The following CLSTN2 variants were observed in gnomAD, a reference collection of about 807,000 sequenced individuals.
CLSTN2 encodes calsyntenin 2, also known as calsyntenin-2.
A neutral mutation model predicts 101.2 loss-of-function variants in CLSTN2; 48 were observed. The ratio of observed to expected loss-of-function variants is 0.47; its 90% CI spans 0.38 to 0.60. The LOEUF (loss-of-function observed/expected upper bound fraction) is 0.60, where lower values mean the gene tolerates loss of function less well. Among genes scored for constraint, CLSTN2 ranks in the 20% least tolerant of loss-of-function variants. The probability of loss-of-function intolerance (pLI) is 0.00; values close to 1 mark genes in which losing one functional copy is unlikely to be tolerated. For synonymous variants in CLSTN2, 481 were observed against 463.6 expected (o/e 1.04, Z -0.48); for missense variants, 1,160 against 1,238.2 (o/e 0.94, Z 0.95).
Position 140,564,017 on chromosome 3 carries a change from G to A in CLSTN2, c.2539G>A (p.Val847Ile). The A allele has an allele frequency of 6.2e-7, 1 of 1,614,184 alleles. No individual in the cohort carries two copies. Among genetic ancestry groups the A allele is most frequent in the African/African-American group, 1.3e-5 (1 of 75,048 alleles). Residue 847 changes from valine (V) to isoleucine (I), a missense_variant, in exon 16 of 17, where the codon GTC becomes ATC. Val to Ile is a conservative substitution (Grantham distance 29). Coordinates refer to ENST00000458420, the MANE Select transcript of CLSTN2 (RefSeq NM_022131.3). The part of the protein sequence containing the change: ...IIISVCMLVF[V>I]VAMGVYRVRI... ...CATCTCCGTGTGCATGCTTGTGTTT[G>A]TCGTGGCCATGGGTGTGTACCGGGT...
chr3:140,205,596 A>C (rs1451734498), intron 2 of CLSTN2, among the ~76,000 whole-genome samples: 5 of 140,564 alleles, frequency 3.6e-5, no homozygotes, highest in Non-Finnish European at 7.8e-5. Flanking sequence ...GATTGGGTAC[A>C]GTTGTTGTTT....
chr3:140,165,606 G>A (rs9873941), intron 1 of CLSTN2, among the ~76,000 whole-genome samples: 1 of 151,632 alleles, frequency 6.6e-6, no homozygotes, highest in Admixed American at 6.6e-5. Context: ...AGGCACAGGG[G>A]TAGACAGCAC....
intron 8 of CLSTN2, among the ~76,000 whole-genome samples, chr3:140,525,501 G>A (rs1935118236): frequency 6.6e-6 from 1 of 151,990 alleles, no homozygotes; most frequent in East Asian, 1.9e-4. Context: ...TATCAGATCT[G>A]CAAAGAACTG....
At chr3:140,124,653 G>A (rs1006485335) in intron 1 of CLSTN2, among the ~76,000 whole-genome samples, 1 of 152,150 alleles carries the variant, frequency 6.6e-6, no homozygotes, top group East Asian at 1.9e-4. Context: ...GGAGATATGG[G>A]GGCAGCCATC....
At chr3:140,498,661 A>C (rs1934515027) in intron 8 of CLSTN2, among the ~76,000 whole-genome samples, 1 of 151,960 alleles carries the variant, frequency 6.6e-6, no homozygotes, top group Non-Finnish European at 1.5e-5. Flanking sequence ...GTGCTAATTC[A>C]CTCTCTTTAA....
At chr3:140,308,373 G>A (rs879373831) in intron 2 of CLSTN2, among the ~76,000 whole-genome samples, 1 of 152,182 alleles carries the variant, frequency 6.6e-6, no homozygotes. Context: ...CAATATCAAG[G>A]AAGGTAGCAT....
At chr3:139,963,301 G>A (rs992490588) in intron 1 of CLSTN2, among the ~76,000 whole-genome samples, 1 of 152,048 alleles carries the variant, frequency 6.6e-6, no homozygotes, top group Non-Finnish European at 1.5e-5. Flanking sequence ...TCTGGTGTTT[G>A]GTTTGAATGT....
intron 2 of CLSTN2, among the ~76,000 whole-genome samples, chr3:140,241,313 G>A (rs781377842): frequency 6.6e-6 from 1 of 152,096 alleles, no homozygotes; most frequent in African/African-American, 2.4e-5. Flanking sequence ...TATTCTAAGG[G>A]TAAGTCCATG....
At chr3:140,316,761 T>C (rs2087235196) in intron 2 of CLSTN2, among the ~76,000 whole-genome samples, 1 of 152,236 alleles carries the variant, frequency 6.6e-6, no homozygotes, top group Admixed American at 6.5e-5. Flanking sequence ...GTAATTGCCT[T>C]GGAGGCAAGT....
chr3:140,080,123 CGTG>C (rs978844444), intron 1 of CLSTN2, among the ~76,000 whole-genome samples: 9 of 152,178 alleles, frequency 5.9e-5, no homozygotes, highest in African/African-American at 2.2e-4. Context: ...ACCCCAGTCT[CGTG>C]GTCTTTCTGC....
chr3:140,052,025 T>C (rs1354911746), intron 1 of CLSTN2, among the ~76,000 whole-genome samples: 1 of 152,228 alleles, frequency 6.6e-6, no homozygotes, highest in Non-Finnish European at 1.5e-5. Flanking sequence ...AAGACTCAGA[T>C]AGTTTAAGTG....
intron 5 of CLSTN2, among the ~76,000 whole-genome samples, chr3:140,426,892 G>C (rs547669057): frequency 6.4e-4 from 98 of 152,114 alleles, no homozygotes; most frequent in African/African-American, 2.1e-3. Flanking sequence ...AGAGAGAATG[G>C]GGCTGGGCGC....
chr3:140,510,443 C>T (rs1197976535), intron 8 of CLSTN2, among the ~76,000 whole-genome samples: 1 of 152,242 alleles, frequency 6.6e-6, no homozygotes, highest in Admixed American at 6.5e-5. Context: ...TGTGCTTACT[C>T]TCCCCGGGGA....
chr3:140,138,520 T>G (rs1278486052), intron 1 of CLSTN2, among the ~76,000 whole-genome samples: 1 of 152,176 alleles, frequency 6.6e-6, no homozygotes, highest in Non-Finnish European at 1.5e-5. Flanking sequence ...ATAATGGGGC[T>G]GTGGAAAGCC....
chr3:140,381,035 G>C (rs773546131), intron 2 of CLSTN2, among the ~76,000 whole-genome samples: 30 of 152,224 alleles, frequency 2.0e-4, no homozygotes, highest in Admixed American at 2.0e-4. Flanking sequence ...AGCCCTGAAG[G>C]CTAGAAGTCT....
chr3:140,134,148 A>G (rs1284468612), intron 1 of CLSTN2, among the ~76,000 whole-genome samples: 1 of 152,144 alleles, frequency 6.6e-6, no homozygotes, highest in Non-Finnish European at 1.5e-5. Flanking sequence ...TTGGAGTCCC[A>G]ATTCCATCGT....
intron 2 of CLSTN2, among the ~76,000 whole-genome samples, chr3:140,189,125 G>A (rs2010524286): frequency 6.6e-6 from 1 of 152,048 alleles, no homozygotes; most frequent in Non-Finnish European, 1.5e-5. Context: ...TTATTGTTGA[G>A]TGGTAGTCCA....
intron 2 of CLSTN2, among the ~76,000 whole-genome samples, chr3:140,207,928 G>GTTTAATATTCATATATA (rs1207705408): frequency 1.3e-5 from 2 of 151,978 alleles, no homozygotes; most frequent in African/African-American, 4.8e-5. Flanking sequence ...TGTTTTGTAA[G>GTTTAATATTCATATATA]TTTAATATTC....
rs191417858 is a variant in CLSTN2, at chr3:140,246,037, G to T, written c.232+69964G>T. Among the ~76,000 whole-genome samples, 168 of 152,318 alleles carry T rather than the reference G, an allele frequency of 1.1e-3. 1 individual carries two copies. The highest frequency in any genetic ancestry group is 2.1e-4 in the Non-Finnish European group (14 of 68,020). On this transcript the variant is annotated intron_variant, in intron 2 of 16. Coordinates refer to ENST00000458420, the MANE Select transcript of CLSTN2 (RefSeq NM_022131.3). Reference sequence around the variant, plus strand: ...CTCAATAAACTGTGAATCTGCGACTGTAAATAAGACAACTTGTAAAAATGC... The same window carrying T: ...CTCAATAAACTGTGAATCTGCGACTTTAAATAAGACAACTTGTAAAAATGC...
Sources: gnomAD v4.1 joint callset for allele counts (sites outside exome capture counted in the v4.1 genomes callset) on GRCh38, gnomAD v4.1.1 for gene constraint, MANE v1.5 for transcripts, NCBI Gene and HGNC (gene_info 2026-07-23, HGNC 2026-07-21) for gene names.